LHFPL6: variants seen among roughly 807,000 people sequenced by gnomAD.
LHFPL6 encodes the protein LHFPL tetraspan subfamily member 6 protein.
A neutral mutation model predicts 20.6 loss-of-function variants in LHFPL6; 9 were observed. The observed-to-expected ratio is 0.44, with a 90% confidence interval of 0.26 to 0.76. LHFPL6 has a LOEUF of 0.76. Among genes scored for constraint, LHFPL6 ranks in the 30% least tolerant of loss-of-function variants. The probability of loss-of-function intolerance (pLI) is 0.20; values close to 1 mark genes in which losing one functional copy is unlikely to be tolerated. For missense variants in LHFPL6, 218 were observed against 253.5 expected, an observed-to-expected ratio of 0.86 and a Z score of 0.95; for synonymous variants, 105 against 98.7, an observed-to-expected ratio of 1.06 and a Z score of -0.38.
In LHFPL6 at chr13:39,479,093, G is replaced by T. The variant is rs115426674; in HGVS notation, c.386-100567C>A. Among the ~76,000 whole-genome samples, 173 of 144,150 alleles carry T rather than the reference G, an allele frequency of 1.2e-3. 2 individuals are homozygous for T. Among genetic ancestry groups the T allele is most frequent in the African/African-American group, 4.2e-3 (165 of 39,042 alleles). The allele number at this position is 144,150 out of a possible 152,430, so 94.6% of individuals were successfully genotyped here. A position where few individuals can be genotyped will look rare whatever the true frequency, so the allele number is the denominator to read the frequency against. On this transcript the variant is annotated intron_variant, in intron 2 of 3. Transcript: ENST00000379589. ...TAGATAGATAGATAGACAGACATAG[G>T]TTGATCTCTACCTATCTATCCATCC... is the stretch of plus-strand genomic sequence containing the variant.
chr13:39,394,362 G>C (rs1419223969), intron 2 of LHFPL6, among the ~76,000 whole-genome samples: 1 of 152,166 alleles, frequency 6.6e-6, no homozygotes, highest in Non-Finnish European at 1.5e-5. Flanking sequence ...TGAGGTACTG[G>C]GGAGTAGGGC....
intron 2 of LHFPL6, among the ~76,000 whole-genome samples, chr13:39,560,399 G>A (rs1253008478): frequency 6.6e-6 from 1 of 151,508 alleles, no homozygotes; most frequent in East Asian, 1.9e-4. Context: ...TCCCAAGCCT[G>A]TGGAAGTCTA....
At chr13:39,362,276 C>T (rs1869894248) in intron 3 of LHFPL6, among the ~76,000 whole-genome samples, 1 of 152,186 alleles carries the variant, frequency 6.6e-6, no homozygotes, top group Non-Finnish European at 1.5e-5. Flanking sequence ...TAACACCTCC[C>T]CCTTTCTCTC....
At chr13:39,465,710 C>T (rs770961831) in intron 2 of LHFPL6, among the ~76,000 whole-genome samples, 19 of 151,832 alleles carry the variant, frequency 1.3e-4, no homozygotes, top group Non-Finnish European at 2.6e-4. Flanking sequence ...TCAAGTCCAT[C>T]CCACATGGTT....
intron 2 of LHFPL6, among the ~76,000 whole-genome samples, chr13:39,401,622 G>C (rs1287469250): frequency 6.6e-6 from 1 of 152,154 alleles, no homozygotes; most frequent in Non-Finnish European, 1.5e-5. Context: ...TTAAAATTCA[G>C]GTTTCACAAA....
intron 2 of LHFPL6, among the ~76,000 whole-genome samples, chr13:39,571,192 G>A (rs1871902872): frequency 6.6e-6 from 1 of 152,160 alleles, no homozygotes; most frequent in South Asian, 2.1e-4. Flanking sequence ...CAGGTCCCTG[G>A]TGAAACCCCA....
intron 2 of LHFPL6, among the ~76,000 whole-genome samples, chr13:39,395,231 C>A (rs1434535419): frequency 6.6e-6 from 1 of 152,134 alleles, no homozygotes; most frequent in African/African-American, 2.4e-5. Context: ...TTTATACTAC[C>A]CAGGGCTTCA....
intron 2 of LHFPL6, among the ~76,000 whole-genome samples, chr13:39,516,144 C>T (rs773695674): frequency 2.3e-4 from 35 of 152,202 alleles, no homozygotes; most frequent in Non-Finnish European, 4.0e-4. Context: ...TTTCTGTACG[C>T]TTCACATTCT....
intron 2 of LHFPL6, among the ~76,000 whole-genome samples, chr13:39,382,490 A>C (rs954685048): frequency 2.0e-5 from 3 of 151,984 alleles, no homozygotes; most frequent in Non-Finnish European, 4.4e-5. Context: ...CCTGGGTTCA[A>C]GTGATTCTCC....
chr13:39,569,361 G>C (rs1265102583), intron 2 of LHFPL6, among the ~76,000 whole-genome samples: 1 of 152,142 alleles, frequency 6.6e-6, no homozygotes, highest in Non-Finnish European at 1.5e-5. Flanking sequence ...AAGGACTTCA[G>C]CAAGCATAAA....
At chr13:39,429,186 GTTTT>G (rs66526631) in intron 2 of LHFPL6, among the ~76,000 whole-genome samples, 2 of 148,414 alleles carry the variant, frequency 1.3e-5, no homozygotes, top group South Asian at 4.2e-4. Flanking sequence ...TATCCTTACT[GTTTT>G]TTTTTTCTAT....
intron 2 of LHFPL6, among the ~76,000 whole-genome samples, chr13:39,403,316 A>T (rs951734910): frequency 6.6e-6 from 1 of 152,238 alleles, no homozygotes; most frequent in Non-Finnish European, 1.5e-5. Flanking sequence ...TTCTATAAAT[A>T]GGCAAGAAAG....
chr13:39,468,184 A>G (rs1872851550), intron 2 of LHFPL6, among the ~76,000 whole-genome samples: 1 of 152,224 alleles, frequency 6.6e-6, no homozygotes, highest in Admixed American at 6.5e-5. Flanking sequence ...TACATAATGT[A>G]AACCCATTGT....
chr13:39,542,219 C>A (rs982588359), intron 2 of LHFPL6, among the ~76,000 whole-genome samples: 4 of 151,804 alleles, frequency 2.6e-5, no homozygotes, highest in African/African-American at 9.7e-5. Context: ...GGGATGCTGA[C>A]AATATTCTGT....
rs74044049 is a variant in LHFPL6 at position 39,405,882 on chromosome 13, A to G, written c.386-27356T>C. On this transcript the variant is annotated intron_variant, in intron 2 of 3. Coordinates refer to ENST00000379589, the MANE Select transcript of LHFPL6 (RefSeq NM_005780.3). ...GTCCGAGTTGCTCGAGGGCAGAGAC[A>G]GCTCTTTTTCCAAATGAAATCTGAG... 3.8e-3 allele frequency among the ~76,000 whole-genome samples: 584 copies of G among 152,342 alleles called. 3 individuals are homozygous for G. Among genetic ancestry groups the G allele is most frequent in the African/African-American group, 0.014 (562 of 41,584 alleles).
chr13:39,576,071 T>C (rs1872104536), intron 2 of LHFPL6, among the ~76,000 whole-genome samples: 1 of 152,232 alleles, frequency 6.6e-6, no homozygotes, highest in Non-Finnish European at 1.5e-5. Context: ...TTCTTAAATG[T>C]GAAGGTTTCG....
At chr13:39,356,949 C>G (rs1869741846) in intron 3 of LHFPL6, among the ~76,000 whole-genome samples, 1 of 152,212 alleles carries the variant, frequency 6.6e-6, no homozygotes, top group African/African-American at 2.4e-5. Context: ...GCTGGCAGAT[C>G]ACTTGAGCTC....
intron 2 of LHFPL6, among the ~76,000 whole-genome samples, chr13:39,583,238 T>C (rs1872345545): frequency 7.2e-6 from 1 of 139,404 alleles, no homozygotes; most frequent in Non-Finnish European, 1.5e-5. Context: ...CAGTGCACAA[T>C]CTCAGCTCAC....
intron 2 of LHFPL6, among the ~76,000 whole-genome samples, chr13:39,534,084 T>C (rs1183108323): frequency 6.6e-6 from 1 of 152,092 alleles, no homozygotes; most frequent in Non-Finnish European, 1.5e-5. Flanking sequence ...ACCAAAGAAA[T>C]GATGTTTTTC....
Sources: gnomAD v4.1 joint callset for allele counts (sites outside exome capture counted in the v4.1 genomes callset) on GRCh38, gnomAD v4.1.1 for gene constraint, MANE v1.5 for transcripts, NCBI Gene and HGNC (gene_info 2026-07-23, HGNC 2026-07-21) for gene names.